NRG1: variants seen among roughly 807,000 people sequenced by gnomAD.
The protein encoded by NRG1 is neuregulin 1, also known as pro-neuregulin-1, membrane-bound isoform.
NRG1 carries 18 observed loss-of-function variants against 63.8 expected under a neutral mutation model. That is an observed-to-expected ratio of 0.28 (90% CI 0.19 to 0.42). The LOEUF (loss-of-function observed/expected upper bound fraction) is 0.42. Among genes scored for constraint, NRG1 ranks in the 10% least tolerant of loss-of-function variants. The probability of loss-of-function intolerance (pLI) is 1.00; values close to 1 mark genes in which losing one functional copy is unlikely to be tolerated. For missense variants in NRG1, 762 were observed against 814.7 expected (o/e 0.94, Z 0.79); for synonymous variants, 302 against 301.3 (o/e 1.00, Z -0.02).
intron 1 of NRG1, among the ~76,000 whole-genome samples, chr8:32,510,336 T>G (rs941777472): frequency 2.6e-5 from 4 of 151,080 alleles, no homozygotes; most frequent in African/African-American, 9.7e-5. Flanking sequence ...CACTCTAGCA[T>G]AGGTAACATA....
At chr8:32,715,596 A>G (rs924769009) in intron 5 of NRG1, among the ~76,000 whole-genome samples, 1 of 151,966 alleles carries the variant, frequency 6.6e-6, no homozygotes, top group Non-Finnish European at 1.5e-5. Context: ...AAAAATTTTC[A>G]GAAGTAAGGA....
At chr8:32,690,273 A>G (rs1811230704) in intron 5 of NRG1, among the ~76,000 whole-genome samples, 1 of 152,188 alleles carries the variant, frequency 6.6e-6, no homozygotes, top group Admixed American at 6.5e-5. Context: ...TAGGATCCCA[A>G]GAACCCTTAA....
At chr8:32,269,198 T>A (rs180922372) in intron 1 of NRG1, among the ~76,000 whole-genome samples, 1 of 152,236 alleles carries the variant, frequency 6.6e-6, no homozygotes, top group African/African-American at 2.4e-5. Flanking sequence ...GAAATACTCC[T>A]TATTTTTGTC....
chr8:32,768,631 G>A (rs929574602), downstream of NRG1, among the ~76,000 whole-genome samples: 3 of 152,168 alleles, frequency 2.0e-5, no homozygotes, highest in Admixed American at 2.0e-4. Context: ...CTGAGTCATA[G>A]AAATGAGGGT....
intron 1 of NRG1, among the ~76,000 whole-genome samples, chr8:32,181,866 G>T (rs1422365621): frequency 6.6e-6 from 1 of 152,054 alleles, no homozygotes; most frequent in African/African-American, 2.4e-5. Context: ...TGGAATATTA[G>T]TTGTTTACAA....
intron 1 of NRG1, among the ~76,000 whole-genome samples, chr8:31,710,768 T>C (rs1811659404): frequency 6.6e-6 from 1 of 152,114 alleles, no homozygotes; most frequent in Non-Finnish European, 1.5e-5. Context: ...TTTTACTTTC[T>C]CATTCAATCT....
chr8:32,144,057 G>A (rs1309258045), intron 1 of NRG1, among the ~76,000 whole-genome samples: 2 of 152,212 alleles, frequency 1.3e-5, no homozygotes, highest in African/African-American at 4.8e-5. Flanking sequence ...GATGAGTCCA[G>A]TTGGAGCCTG....
intron 1 of NRG1, among the ~76,000 whole-genome samples, chr8:32,425,697 C>G (rs2129486400): frequency 6.6e-6 from 1 of 152,260 alleles, no homozygotes; most frequent in African/African-American, 2.4e-5. Flanking sequence ...CTTGTTAAAT[C>G]ATGATTGAGA....
At chr8:32,066,496 G>T (rs1017119411) in intron 1 of NRG1, among the ~76,000 whole-genome samples, 1 of 151,502 alleles carries the variant, frequency 6.6e-6, no homozygotes, top group Admixed American at 6.6e-5. Context: ...TCAGATAGTT[G>T]TAGATATGCA....
chr8:32,567,465 C>T (rs932108476), intron 1 of NRG1, among the ~76,000 whole-genome samples: 3 of 152,172 alleles, frequency 2.0e-5, no homozygotes, highest in African/African-American at 7.2e-5. Flanking sequence ...TAGTCTGATG[C>T]TTAGCCTTCA....
intron 1 of NRG1, among the ~76,000 whole-genome samples, chr8:32,323,314 T>C (rs753888113): frequency 3.1e-4 from 47 of 152,244 alleles, no homozygotes; most frequent in Non-Finnish European, 5.3e-4. Context: ...GTTTCCTCTT[T>C]GATTTTCCTT....
intron 1 of NRG1, among the ~76,000 whole-genome samples, chr8:32,511,744 T>C (rs1029591797): frequency 3.9e-5 from 6 of 152,144 alleles, no homozygotes; most frequent in African/African-American, 1.4e-4. Flanking sequence ...GAACTCTTTA[T>C]TAATATAAAT....
chr8:32,517,938 G>C (rs1402533662), intron 1 of NRG1, among the ~76,000 whole-genome samples: 4 of 151,980 alleles, frequency 2.6e-5, no homozygotes, highest in Non-Finnish European at 5.9e-5. Flanking sequence ...CTCTAGCAAA[G>C]ATCAAATCTA....
intron 1 of NRG1, among the ~76,000 whole-genome samples, chr8:32,393,415 C>CA (rs1472069730): frequency 6.6e-6 from 1 of 152,146 alleles, no homozygotes; most frequent in Non-Finnish European, 1.5e-5. Context: ...ACTGTTCTAC[C>CA]ATAAAAACAC....
intron 1 of NRG1, among the ~76,000 whole-genome samples, chr8:32,374,679 T>C (rs180924142): frequency 4.9e-4 from 74 of 152,344 alleles, no homozygotes; most frequent in Admixed American, 4.8e-3. Context: ...CTGATTTCAT[T>C]GTCCCAATGA....
At position 32,742,430 on chromosome 8, in the gene NRG1, C is replaced by A. The variant is rs1826563488; in HGVS notation, c.633-245C>A. Among the ~76,000 whole-genome samples, 1 of 152,088 alleles carries A rather than the reference C, an allele frequency of 6.6e-6. No homozygotes were observed. Among genetic ancestry groups the A allele is most frequent in the African/African-American group, 2.4e-5 (1 of 41,418 alleles). ...TTAAGGGGTTCCCTTTGAAAGAAGG[C>A]AACCACTTAAAGTGCTGGGATCTTT... On this transcript the variant is annotated intron_variant, in intron 6 of 11. Coordinates refer to ENST00000356819, the Ensembl canonical transcript of NRG1. This position sits in a 1 kb window ranked among gnomAD's most constrained non-coding sequence, Gnocchi z 4.2.
chr8:32,368,554 AAAAC>A (rs1287592478), intron 1 of NRG1, among the ~76,000 whole-genome samples: 2 of 152,316 alleles, frequency 1.3e-5, no homozygotes, highest in South Asian at 2.1e-4. Flanking sequence ...CTCATCTTTA[AAAAC>A]AAACAAACAA....
At chr8:31,853,077 T>A (rs1210840556) in intron 1 of NRG1, among the ~76,000 whole-genome samples, 1 of 152,060 alleles carries the variant, frequency 6.6e-6, no homozygotes, top group Non-Finnish European at 1.5e-5. Flanking sequence ...TGGCTCAGGA[T>A]TGACTTGGCG....
chr8:32,522,251 G>T (rs1830411407), intron 1 of NRG1, among the ~76,000 whole-genome samples: 1 of 152,244 alleles, frequency 6.6e-6, no homozygotes, highest in Admixed American at 6.5e-5. Flanking sequence ...CCCTTTCATT[G>T]ATTAAAACGA....
Sources: allele counts gnomAD v4.1 joint callset (sites outside exome capture counted in the v4.1 genomes callset), GRCh38; gene constraint gnomAD v4.1.1; non-coding constraint Gnocchi (gnomAD v3.1); transcripts MANE v1.5; gene names NCBI Gene and HGNC (gene_info 2026-07-23, HGNC 2026-07-21).